Variants in TSPEAR observed in about 807,000 individuals in gnomAD.
TSPEAR encodes thrombospondin-type laminin G domain and EAR repeat-containing protein.
In TSPEAR, 69 loss-of-function variants were observed where a neutral mutation model predicts 71.6. The ratio of observed to expected loss-of-function variants is 0.96; its 90% CI spans 0.79 to 1.18. The LOEUF (loss-of-function observed/expected upper bound fraction) is 1.18, where lower values mean the gene tolerates loss of function less well. Ranked by LOEUF, TSPEAR falls within the 50% of genes most tolerant of loss-of-function variation. The pLI is 0.00. For missense variants in TSPEAR, 971 were observed against 894.9 expected, an observed-to-expected ratio of 1.09 and a Z score of -1.09; for synonymous variants, 402 against 387.2, an observed-to-expected ratio of 1.04 and a Z score of -0.45.
chr21:44,626,317 C>A (rs138518700), intron 1 of TSPEAR, among the ~76,000 whole-genome samples: 2,147 of 152,330 alleles, frequency 0.014, 23 homozygotes, highest in South Asian at 0.024. Context: ...AAAGATCATG[C>A]AGCCGTGAGA....
intron 2 of TSPEAR, chr21:44,558,070 C>G: frequency 9.9e-6 from 16 of 1,609,844 alleles, no homozygotes; most frequent in Non-Finnish European, 1.4e-5. Flanking sequence ...GACTTCTGGC[C>G]TGAGGAGAGG....
chr21:44,647,540 C>G (rs782646189), intron 1 of TSPEAR: 70 of 727,412 alleles, frequency 9.6e-5, no homozygotes, highest in Non-Finnish European at 1.5e-4. Context: ...ACCCACAAAT[C>G]CCTCAGCAGG....
chr21:44,605,829 G>C (rs1555929720), intron 1 of TSPEAR, among the ~76,000 whole-genome samples: 1 of 152,114 alleles, frequency 6.6e-6, no homozygotes, highest in African/African-American at 2.4e-5. Flanking sequence ...CTCGGCATAA[G>C]ACCTGAAATG....
chr21:44,651,053 A>G (rs1984758716), intron 1 of TSPEAR, among the ~76,000 whole-genome samples: 1 of 151,522 alleles, frequency 6.6e-6, no homozygotes, highest in Non-Finnish European at 1.5e-5. Flanking sequence ...ACCTGGGGAG[A>G]GGACAGGTCT....
chr21:44,534,218 C>G (rs1459468814), intron 2 of TSPEAR, among the ~76,000 whole-genome samples: 1 of 3,844 alleles, frequency 2.6e-4, no homozygotes, highest in Admixed American at 3.4e-3. Context: ...TGTGAGGGGG[C>G]GGGGCTGGTG....
chr21:44,576,943 G>A (rs915292070), intron 1 of TSPEAR, among the ~76,000 whole-genome samples: 1 of 152,186 alleles, frequency 6.6e-6, no homozygotes, highest in African/African-American at 2.4e-5. Context: ...GGAGGGCTGA[G>A]CATGCTGCTT....
intron 1 of TSPEAR, among the ~76,000 whole-genome samples, chr21:44,654,856 T>C (rs1342518235): frequency 1.3e-5 from 2 of 150,090 alleles, no homozygotes; most frequent in African/African-American, 4.9e-5. Context: ...ACCGTGTGTT[T>C]CCTGGAAACA....
At chr21:44,577,636 C>A (rs1555924135) in intron 1 of TSPEAR, among the ~76,000 whole-genome samples, 1 of 152,232 alleles carries the variant, frequency 6.6e-6, no homozygotes, top group East Asian at 1.9e-4. Flanking sequence ...CACCTCCCAC[C>A]AGGCCCTGCC....
intron 1 of TSPEAR, among the ~76,000 whole-genome samples, chr21:44,626,150 G>A (rs1340025141): frequency 1.3e-5 from 2 of 152,200 alleles, no homozygotes; most frequent in Non-Finnish European, 2.9e-5. Flanking sequence ...TGAAATATGC[G>A]TATGTGTACT....
chr21:44,530,973 T>C (rs1189010922), intron 4 of TSPEAR, 70 bp downstream of exon 4: 2 of 1,229,468 alleles, frequency 1.6e-6, no homozygotes, highest in Non-Finnish European at 2.4e-6. Flanking sequence ...ACTAGAGCAG[T>C]AGGACAACTG....
chr21:44,670,436 G>A (rs1422336415), intron 1 of TSPEAR, among the ~76,000 whole-genome samples: 3 of 152,156 alleles, frequency 2.0e-5, no homozygotes, highest in Non-Finnish European at 2.9e-5. Flanking sequence ...AGAAGCAACT[G>A]GAATTCAGCA....
At chr21:44,528,265 T>C (rs1378017596) in intron 6 of TSPEAR, among the ~76,000 whole-genome samples, 187 bp downstream of exon 6, 1 of 152,194 alleles carries the variant, frequency 6.6e-6, no homozygotes, top group African/African-American at 2.4e-5. Context: ...GGCAGTGTCC[T>C]GCCCGCTGCT....
intron 1 of TSPEAR, chr21:44,592,078 C>T (rs1325306116): frequency 7.9e-6 from 12 of 1,518,382 alleles, no homozygotes; most frequent in Admixed American, 1.8e-5. Context: ...AGACTGCTGG[C>T]AGCATGAAGA....
intron 1 of TSPEAR, chr21:44,646,683 C>T (rs1294566145): frequency 1.9e-6 from 3 of 1,614,000 alleles, no homozygotes; most frequent in Non-Finnish European, 1.7e-6. Context: ...CCAGCTCCTG[C>T]ACGCCGTCAT....
At chr21:44,677,601 G>C (rs2838627) in intron 1 of TSPEAR, 1 of 1,047,746 alleles carries the variant, frequency 9.5e-7, no homozygotes. Flanking sequence ...TTCATCAATT[G>C]CAGGGTGATC....
intron 2 of TSPEAR, chr21:44,540,108 C>A (rs782454723): frequency 6.2e-7 from 1 of 1,613,672 alleles, no homozygotes; most frequent in Non-Finnish European, 8.5e-7. Flanking sequence ...TGCCAGGAGT[C>A]GGAGCAAGCG....
At chr21:44,502,628 A>G (rs2052055383) in intron 11 of TSPEAR, among the ~76,000 whole-genome samples, 1 of 152,240 alleles carries the variant, frequency 6.6e-6, no homozygotes, top group African/African-American at 2.4e-5. Flanking sequence ...ACAGAATCCA[A>G]AGGCAGAAGC....
At chr21:44,649,707 TG>T (rs1984660776) in intron 1 of TSPEAR, among the ~76,000 whole-genome samples, 1 of 152,168 alleles carries the variant, frequency 6.6e-6, no homozygotes, top group Non-Finnish European at 1.5e-5. Flanking sequence ...AATGCCTGGA[TG>T]GGAGCCAGGC....
At chr21:44,680,981 T>C (rs1187747003) in intron 1 of TSPEAR, among the ~76,000 whole-genome samples, 4 of 152,218 alleles carry the variant, frequency 2.6e-5, no homozygotes, top group Admixed American at 1.3e-4. Flanking sequence ...ATGTATTGTA[T>C]GTCTCAAATC....
Sources: gnomAD v4.1 joint callset for allele counts (sites outside exome capture counted in the v4.1 genomes callset) on GRCh38, gnomAD v4.1.1 for gene constraint, MANE v1.5 for transcripts, NCBI Gene and HGNC (gene_info 2026-07-23, HGNC 2026-07-21) for gene names.